The following ADGRL2 variants were observed in gnomAD, a reference collection of about 807,000 sequenced individuals.
ADGRL2 encodes the protein calcium-independent alpha-latrotoxin receptor 2.
A neutral mutation model predicts 157.4 loss-of-function variants in ADGRL2; 44 were observed. That is an observed-to-expected ratio of 0.28 (90% CI 0.22 to 0.36). The LOEUF (loss-of-function observed/expected upper bound fraction) is 0.36, where lower values mean the gene tolerates loss of function less well. Ranked by LOEUF, ADGRL2 falls within the 10% of genes least tolerant of loss-of-function variation. The pLI, the probability that ADGRL2 is intolerant of heterozygous loss-of-function variation, is 1.00. For synonymous variants in ADGRL2, 585 were observed against 624.7 expected (o/e 0.94, Z 0.95); for missense variants, 1,510 against 1,768.9 (o/e 0.85, Z 2.63).
chr1:81,871,570 A>T (rs897117613), intron 2 of ADGRL2, among the ~76,000 whole-genome samples: 1 of 152,042 alleles, frequency 6.6e-6, no homozygotes, highest in African/African-American at 2.4e-5. Flanking sequence ...AAGTGATCCT[A>T]TTTCTCCACA....
chr1:81,461,664 CAG>C lies in ADGRL2; in HGVS notation c.-248+16581_-248+16582del, dbSNP rs1394850048. 9.2e-5 allele frequency among the ~76,000 whole-genome samples: 14 copies of C among 152,238 alleles called. No individual in the cohort carries two copies. The East Asian group carries it at 2.5e-3, about 27-fold the overall frequency. On this transcript the variant is annotated intron_variant, in intron 2 of 24. Coordinates refer to the ADGRL2 transcript ENST00000370721. ...TGTACTTTAATATCTATACATACTT[CAG>C]AGAGATAAAAAGAGGATACAATGTT...
intron 2 of ADGRL2, among the ~76,000 whole-genome samples, chr1:81,561,042 G>A (rs2080428542): frequency 6.6e-6 from 1 of 151,950 alleles, no homozygotes; most frequent in Non-Finnish European, 1.5e-5. Flanking sequence ...CCTCTTTTGA[G>A]TTTTTGCTCA....
intron 2 of ADGRL2, among the ~76,000 whole-genome samples, chr1:81,507,936 T>C (rs1460391282): frequency 1.3e-5 from 2 of 148,822 alleles, no homozygotes; most frequent in African/African-American, 5.1e-5. Context: ...CAGGAAAAAA[T>C]AGTGTTAAAG....
Position 81,923,572 on chromosome 1 carries a change from G to A in ADGRL2, c.288-13156G>A, listed in dbSNP as rs367842933. Among the ~76,000 whole-genome samples, 7 of 151,158 alleles carry A rather than the reference G, an allele frequency of 4.6e-5. No homozygotes were observed. The East Asian group carries it at 1.4e-3, about 30-fold the overall frequency. ...ATTTTTTTTTTAATCTCATCTTATA[G>A]AATAGTTTGGTAAACATCTACACAA... On this transcript the variant is annotated intron_variant, in intron 3 of 23. Transcript: ENST00000686636.
intron 1 of ADGRL2, among the ~76,000 whole-genome samples, chr1:81,437,467 G>A (rs2077429897): frequency 6.6e-6 from 1 of 152,176 alleles, no homozygotes; most frequent in African/African-American, 2.4e-5. Flanking sequence ...AGGAGGTGGG[G>A]AGATGAAGTT....
rs971722126 is a variant in ADGRL2, at chr1:81,427,184, G to A, written c.-301-17852G>A. The A allele has an allele frequency of 2.1e-5, 19 of 923,162 alleles. No homozygotes were observed. The African/African-American group carries it at 2.8e-4, about 13-fold the overall frequency. 57.2% of individuals were successfully genotyped at this position (923,162 alleles called of 1,614,324 possible). On this transcript the variant is annotated intron_variant, in intron 1 of 24. Coordinates refer to the ADGRL2 transcript ENST00000370721. ...CGGAGGAAACTTTCGAGGTGGTGGA[G>A]GTAATTTTGGCCATGGTGGCAACTT... is the stretch of plus-strand genomic sequence containing the variant.
At chr1:81,987,152 A>T (rs1362789317) in intron 22 of ADGRL2, 123 bp downstream of exon 22, 16 of 1,326,420 alleles carry the variant, frequency 1.2e-5, no homozygotes, top group Non-Finnish European at 1.6e-5. Flanking sequence ...TTTCTCAGTT[A>T]AAAAAAATTA....
chr1:81,887,815 TAATTTAGGCCTGCACAA>T (rs1259057418), intron 2 of ADGRL2, among the ~76,000 whole-genome samples: 3 of 152,248 alleles, frequency 2.0e-5, no homozygotes, highest in African/African-American at 7.2e-5. Flanking sequence ...CTATGTGTGA[TAATTTAGGCCTGCACAA>T]AATTGCTGAG....
intron 2 of ADGRL2, among the ~76,000 whole-genome samples, chr1:81,511,830 C>A (rs1246691925): frequency 1.3e-5 from 2 of 151,694 alleles, no homozygotes; most frequent in Admixed American, 6.6e-5. Flanking sequence ...TATGAAGTGT[C>A]AAGATAGGCC....
intron 19 of ADGRL2, among the ~76,000 whole-genome samples, chr1:81,983,843 C>G (rs919922399): frequency 6.6e-6 from 1 of 151,590 alleles, no homozygotes; most frequent in African/African-American, 2.4e-5. Flanking sequence ...TTTTTGCATT[C>G]ATATATTCAA....
chr1:81,344,917 T>G (rs1347594656), intron 1 of ADGRL2, among the ~76,000 whole-genome samples: 3 of 152,146 alleles, frequency 2.0e-5, no homozygotes, highest in Non-Finnish European at 4.4e-5. Context: ...ATCAGAACTG[T>G]ATTCATTCAT....
chr1:81,398,331 A>ACTCCTGTC (rs1405294698), intron 1 of ADGRL2, among the ~76,000 whole-genome samples: 1 of 151,232 alleles, frequency 6.6e-6, no homozygotes, highest in Non-Finnish European at 1.5e-5. Flanking sequence ...GTGAGGACTT[A>ACTCCTGTC]CTCCTGTCAT....
chr1:81,735,302 A>T (rs1363288367), intron 1 of ADGRL2: 1 of 147,992 alleles, frequency 6.8e-6, no homozygotes, highest in African/African-American at 2.5e-5. Context: ...ACTGTGAGAG[A>T]ATAAATTTCT....
intron 1 of ADGRL2, among the ~76,000 whole-genome samples, chr1:81,440,629 C>T (rs2077491197): frequency 6.6e-6 from 1 of 152,158 alleles, no homozygotes; most frequent in Non-Finnish European, 1.5e-5. Flanking sequence ...TACTTACTGC[C>T]ATCTCCAAGA....
intron 2 of ADGRL2, among the ~76,000 whole-genome samples, chr1:81,508,518 T>C (rs1243823095): frequency 6.6e-6 from 1 of 152,228 alleles, no homozygotes; most frequent in Non-Finnish European, 1.5e-5. Flanking sequence ...ACACATATAT[T>C]GCATGTGTCT....
chr1:81,335,999 A>G (rs1254827896), intron 1 of ADGRL2, among the ~76,000 whole-genome samples: 3 of 152,194 alleles, frequency 2.0e-5, no homozygotes, highest in Non-Finnish European at 4.4e-5. Flanking sequence ...CCTTCTCTTC[A>G]GCAATTCCCT....
At chr1:81,653,328 T>TTTC (rs1437534569) in intron 3 of ADGRL2, among the ~76,000 whole-genome samples, 1 of 151,728 alleles carries the variant, frequency 6.6e-6, no homozygotes, top group Non-Finnish European at 1.5e-5. Context: ...GGGTTTTTTT[T>TTTC]TTTTTCACTT....
intron 2 of ADGRL2, among the ~76,000 whole-genome samples, chr1:81,901,713 T>C (rs2151638784): frequency 6.6e-6 from 1 of 152,188 alleles, no homozygotes; most frequent in African/African-American, 2.4e-5. Flanking sequence ...AGTGAAAATG[T>C]TGGGTTTTAA....
intron 2 of ADGRL2, among the ~76,000 whole-genome samples, chr1:81,896,046 A>G (rs1571977130): frequency 6.6e-6 from 1 of 152,320 alleles, no homozygotes; most frequent in African/African-American, 2.4e-5. Context: ...GAGTGAATTA[A>G]TGAAATTTCT....
Sources: allele counts gnomAD v4.1 joint callset (sites outside exome capture counted in the v4.1 genomes callset), GRCh38; gene constraint gnomAD v4.1.1; transcripts MANE v1.5; gene names NCBI Gene and HGNC (gene_info 2026-07-23, HGNC 2026-07-21).